The following VWF variants were observed in gnomAD, a reference collection of about 807,000 sequenced individuals.
The protein encoded by VWF is von Willebrand factor.
In VWF, 176 loss-of-function variants were observed where a neutral mutation model predicts 308.6. The ratio of observed to expected loss-of-function variants is 0.57; its 90% CI spans 0.50 to 0.65. The LOEUF (loss-of-function observed/expected upper bound fraction) is 0.65. Among genes scored for constraint, VWF ranks in the 30% least tolerant of loss-of-function variants. VWF has a pLI of 0.00. For synonymous variants in VWF, 1,385 were observed against 1,443.4 expected, an observed-to-expected ratio of 0.96 and a Z score of 0.92; for missense variants, 3,146 against 3,648.2, an observed-to-expected ratio of 0.86 and a Z score of 3.55.
chr12:6,021,096 A>C (rs1343423963), intron 27 of VWF: 3 of 152,236 alleles, frequency 2.0e-5, no homozygotes, highest in African/African-American at 7.2e-5. Flanking sequence ...CATACTTTCT[A>C]GTTTCCTGTG....
intron 18 of VWF, among the ~76,000 whole-genome samples, chr12:6,041,537 C>T (rs939748370): frequency 2.0e-4 from 31 of 151,984 alleles, no homozygotes; most frequent in African/African-American, 5.8e-4. Flanking sequence ...CAACCTCCGC[C>T]TCCTGGGTTC....
In VWF at chr12:6,024,670, T is replaced by G. The variant is rs1944170068; in HGVS notation, c.3223-883A>C. 6.6e-6 allele frequency among the ~76,000 whole-genome samples: 1 copy of G among 152,234 alleles called. No individual in the cohort carries two copies. Among genetic ancestry groups the G allele is most frequent in the Non-Finnish European group, 1.5e-5 (1 of 68,038 alleles). Reference sequence around the variant, plus strand: ...GTACACAGACTTCTGTAGTCACATATGTCCATGTACAAGCCCATGTCCACA... The same window carrying G: ...GTACACAGACTTCTGTAGTCACATAGGTCCATGTACAAGCCCATGTCCACA... On this transcript the variant is annotated intron_variant, in intron 24 of 51. Transcript: ENST00000261405. The surrounding 1 kb of genome is among the most constrained non-coding windows in gnomAD (Gnocchi z 4.0).
rs181960217 is a variant in VWF, at chr12:6,111,777, C to T, written c.221-809G>A. Reference sequence around the variant, plus strand: ...CATCCTGGCTAACACGGTGAAACCCCGTCTCTACTAAAAATATGAAGAAAA... The same window carrying T: ...CATCCTGGCTAACACGGTGAAACCCTGTCTCTACTAAAAATATGAAGAAAA... On this transcript the variant is annotated intron_variant, in intron 3 of 51. Coordinates refer to ENST00000261405, the MANE Select transcript of VWF (RefSeq NM_000552.5). Among the ~76,000 whole-genome samples the T allele has an allele frequency of 4.7e-4, 70 of 149,994 alleles. No individual in the cohort carries two copies. The East Asian group carries it at 0.013, about 28-fold the overall frequency.
chr12:6,054,858 G>A (rs1191847514), intron 15 of VWF, among the ~76,000 whole-genome samples: 1 of 152,192 alleles, frequency 6.6e-6, no homozygotes, highest in African/African-American at 2.4e-5. Context: ...GTGGAAGTGG[G>A]TAGAGGGGAC....
intron 3 of VWF, among the ~76,000 whole-genome samples, chr12:6,120,596 C>T (rs1008791228): frequency 6.6e-6 from 1 of 152,164 alleles, no homozygotes; most frequent in Non-Finnish European, 1.5e-5. Flanking sequence ...AGCCACCGTG[C>T]CCGGCCTCAG....
chr12:5,993,797 CA>C, intron 37 of VWF, 64 bp downstream of exon 37: 1 of 1,490,536 alleles, frequency 6.7e-7, no homozygotes, highest in Non-Finnish European at 9.3e-7. Flanking sequence ...ATCTGGGGCA[CA>C]GAGAGGCTGA....
At chr12:6,096,743 C>T (rs1945109502) in intron 5 of VWF, among the ~76,000 whole-genome samples, 1 of 152,176 alleles carries the variant, frequency 6.6e-6, no homozygotes, top group African/African-American at 2.4e-5. Flanking sequence ...GCCTCGTGGA[C>T]CTACATGGCC....
chr12:6,088,674 AT>A (rs1945000571), intron 6 of VWF, among the ~76,000 whole-genome samples: 1 of 152,040 alleles, frequency 6.6e-6, no homozygotes, highest in Non-Finnish European at 1.5e-5. Context: ...GTCTGATCGA[AT>A]TTTTTTAAAG....
chr12:5,952,641 CA>C, intron 48 of VWF, 122 bp from the exon 49 acceptor site: 2 of 1,376,140 alleles, frequency 1.5e-6, no homozygotes, highest in South Asian at 2.5e-5. Context: ...AACAAGAAGA[CA>C]GTGTATAATA....
intron 42 of VWF, among the ~76,000 whole-genome samples, chr12:5,980,577 C>T (rs1201683921): frequency 2.0e-5 from 3 of 152,100 alleles, no homozygotes; most frequent in African/African-American, 7.2e-5. Context: ...AATAGAAAAA[C>T]AGCAAGGCAG....
At chr12:6,025,505 A>G in intron 24 of VWF, 75 bp downstream of exon 24, 1 of 1,167,548 alleles carries the variant, frequency 8.6e-7, no homozygotes, top group Non-Finnish European at 1.3e-6. Flanking sequence ...CCACGTTAGA[A>G]GGTCACACTC....
chr12:6,029,277 A>G, intron 22 of VWF, 65 bp downstream of exon 22: 1 of 1,608,388 alleles, frequency 6.2e-7, no homozygotes. Flanking sequence ...GAGACCTACG[A>G]TCAGGGAGCA....
chr12:6,102,513 G>T (rs1041820160), intron 5 of VWF, among the ~76,000 whole-genome samples: 1 of 151,970 alleles, frequency 6.6e-6, no homozygotes, highest in Non-Finnish European at 1.5e-5. Flanking sequence ...GAGGCAGGCG[G>T]ATCACGAGGT....
intron 38 of VWF, 75 bp downstream of exon 38, chr12:5,991,744 T>C (rs1407090253): frequency 6.6e-7 from 1 of 1,524,062 alleles, no homozygotes; most frequent in African/African-American, 1.4e-5. Context: ...AAGAGGCCAA[T>C]CACTGGTGAA....
intron 44 of VWF, among the ~76,000 whole-genome samples, chr12:5,971,051 G>A (rs1396314144): frequency 1.3e-5 from 2 of 152,186 alleles, no homozygotes; most frequent in East Asian, 3.9e-4. Flanking sequence ...TGGCGGGGGT[G>A]AGCCAGCCAG....
chr12:6,023,080 ATTCAT>A (rs1944147658), intron 25 of VWF, among the ~76,000 whole-genome samples, 182 bp from the exon 26 acceptor site: 1 of 151,590 alleles, frequency 6.6e-6, no homozygotes, highest in Non-Finnish European at 1.5e-5. Flanking sequence ...TTGGTTCTGA[ATTCAT>A]TTCTTTTTTT....
intron 5 of VWF, among the ~76,000 whole-genome samples, chr12:6,102,571 CT>C (rs1415514972): frequency 6.6e-6 from 1 of 151,010 alleles, no homozygotes; most frequent in Non-Finnish European, 1.5e-5. Context: ...CCCGTCTCTA[CT>C]AAAAATACAA....
At chr12:6,036,557 G>A (rs1258432826) in intron 18 of VWF, 66 bp from the exon 19 acceptor site, 15 of 1,450,036 alleles carry the variant, frequency 1.0e-5, no homozygotes, top group East Asian at 6.9e-5. Context: ...CCTCCAGCCC[G>A]CTCCAGGAAG....
At chr12:6,081,574 G>A (rs1257872905) in intron 6 of VWF, among the ~76,000 whole-genome samples, 2 of 152,084 alleles carry the variant, frequency 1.3e-5, no homozygotes, top group Non-Finnish European at 2.9e-5. Context: ...TCCTGACCTC[G>A]TGATCCACCC....
Sources: allele counts gnomAD v4.1 joint callset (sites outside exome capture counted in the v4.1 genomes callset), GRCh38; gene constraint gnomAD v4.1.1; non-coding constraint Gnocchi (gnomAD v3.1); transcripts MANE v1.5; gene names NCBI Gene and HGNC (gene_info 2026-07-23, HGNC 2026-07-21).